The following STIM1 variants were observed in gnomAD, a reference collection of about 807,000 sequenced individuals.
STIM1 encodes stromal interaction molecule 1.
Under a neutral mutation model 74.7 loss-of-function variants are expected in STIM1, and 25 were observed. The ratio of observed to expected loss-of-function variants is 0.33; its 90% CI spans 0.24 to 0.47. The LOEUF is 0.47. Ranked by LOEUF, STIM1 falls within the 20% of genes least tolerant of loss-of-function variation. STIM1 has a pLI of 1.00. For missense variants in STIM1, 728 were observed against 920.8 expected (o/e 0.79, Z 2.71); for synonymous variants, 328 against 348.8 (o/e 0.94, Z 0.66).
intron 6 of STIM1, among the ~76,000 whole-genome samples, chr11:4,070,513 T>C (rs1403628770): frequency 6.6e-6 from 1 of 152,246 alleles, no homozygotes; most frequent in African/African-American, 2.4e-5. Flanking sequence ...TCTGCCTGTC[T>C]CTGGACTGCT....
chr11:3,902,536 G>T (rs910814358), intron 1 of STIM1, among the ~76,000 whole-genome samples: 3 of 152,208 alleles, frequency 2.0e-5, no homozygotes, highest in African/African-American at 7.2e-5. Context: ...CGCATGTGCA[G>T]TTCACAATAG....
chr11:4,001,205 G>C (rs1457006555), intron 2 of STIM1, among the ~76,000 whole-genome samples: 1 of 151,846 alleles, frequency 6.6e-6, no homozygotes, highest in Admixed American at 6.6e-5. Context: ...AGCAAGGCAG[G>C]CCAACATTCA....
At chr11:3,997,419 G>T (rs543596235) in intron 2 of STIM1, among the ~76,000 whole-genome samples, 83 of 152,272 alleles carry the variant, frequency 5.5e-4, no homozygotes, top group African/African-American at 1.8e-3. Flanking sequence ...TACTTGGGAG[G>T]CTGAGGTGGG....
At chr11:4,088,567 G>T in intron 12 of STIM1, 2 of 761,164 alleles carry the variant, frequency 2.6e-6, no homozygotes, top group East Asian at 5.6e-5. Context: ...ATCAAATTGG[G>T]TTGGGGACAC....
At chr11:3,884,049 G>T (rs1458277335) in intron 1 of STIM1, among the ~76,000 whole-genome samples, 1 of 152,144 alleles carries the variant, frequency 6.6e-6, no homozygotes, top group African/African-American at 2.4e-5. Context: ...AACAAAGTAA[G>T]CAGGGCAAAG....
rs1419974783 is a variant in STIM1 at position 3,856,034 on chromosome 11, G to T, written c.-237G>T. 1 of 560,270 alleles carries T rather than the reference G, an allele frequency of 1.8e-6. No individual in the cohort carries two copies. Among genetic ancestry groups the T allele is most frequent in the East Asian group, 3.1e-5 (1 of 32,580 alleles). 34.7% of individuals were successfully genotyped at this position (560,270 alleles called of 1,614,324 possible). On this transcript the variant is annotated 5_prime_UTR_variant, in exon 1 of 13. Transcript: ENST00000526596. ...TCCGGAAGCGGCACGAGCTCAGGCC[G>T]CCGCAGCCCCGGCGGACCCACTGTT...
At chr11:3,983,965 C>T (rs2135812546) in intron 2 of STIM1, among the ~76,000 whole-genome samples, 1 of 152,070 alleles carries the variant, frequency 6.6e-6, no homozygotes, top group African/African-American at 2.4e-5. Flanking sequence ...CTCCTGGATT[C>T]AAGCGATTCT....
chr11:3,907,461 T>G (rs1344158932), intron 1 of STIM1, among the ~76,000 whole-genome samples: 1 of 152,204 alleles, frequency 6.6e-6, no homozygotes, highest in Non-Finnish European at 1.5e-5. Context: ...CGGTTCTACC[T>G]TTAAAACAAA....
At chr11:3,886,015 T>C (rs1047379044) in intron 1 of STIM1, among the ~76,000 whole-genome samples, 11 of 152,204 alleles carry the variant, frequency 7.2e-5, no homozygotes, top group African/African-American at 1.9e-4. Context: ...GATATAGCAT[T>C]GTCCTGCTTT....
At chr11:4,050,671 G>C (rs7943217) in intron 3 of STIM1, among the ~76,000 whole-genome samples, 6 of 152,044 alleles carry the variant, frequency 3.9e-5, no homozygotes, top group Non-Finnish European at 8.8e-5. Flanking sequence ...AACAACACAG[G>C]GGTTAGGGGT....
At chr11:3,873,681 G>A (rs907009529) in intron 1 of STIM1, among the ~76,000 whole-genome samples, 1 of 152,082 alleles carries the variant, frequency 6.6e-6, no homozygotes, top group Non-Finnish European at 1.5e-5. Context: ...CTGGCAAGAG[G>A]GCAGTTCTGT....
intron 2 of STIM1, among the ~76,000 whole-genome samples, chr11:3,986,395 T>C (rs1441958641): frequency 6.6e-6 from 1 of 152,174 alleles, no homozygotes; most frequent in East Asian, 1.9e-4. Flanking sequence ...TGGTCAGTGG[T>C]TCTTTTAACT....
At chr11:3,941,011 C>T (rs1458360870) in intron 1 of STIM1, among the ~76,000 whole-genome samples, 1 of 152,144 alleles carries the variant, frequency 6.6e-6, no homozygotes, top group Non-Finnish European at 1.5e-5. Context: ...CTCTGTGCCT[C>T]AGTTTCTTGA....
chr11:4,031,215 A>G (rs970771665), intron 3 of STIM1, among the ~76,000 whole-genome samples: 1 of 152,210 alleles, frequency 6.6e-6, no homozygotes, highest in Non-Finnish European at 1.5e-5. Context: ...TATGTTTTGC[A>G]TGTGTAAATA....
chr11:4,025,374 T>C (rs2093990505), intron 3 of STIM1, among the ~76,000 whole-genome samples: 2 of 152,188 alleles, frequency 1.3e-5, no homozygotes, highest in Admixed American at 1.3e-4. Context: ...ATTAGGCAGC[T>C]GTAGGAGAGA....
chr11:4,038,894 G>C (rs2094125454), intron 3 of STIM1, among the ~76,000 whole-genome samples: 1 of 152,044 alleles, frequency 6.6e-6, no homozygotes, highest in South Asian at 2.1e-4. Context: ...TCAAATTTCT[G>C]GGTGTAAGAA....
At chr11:4,016,330 C>T (rs1020152661) in intron 2 of STIM1, among the ~76,000 whole-genome samples, 11 of 152,114 alleles carry the variant, frequency 7.2e-5, no homozygotes, top group Admixed American at 4.6e-4. Context: ...TTGGAGTTGG[C>T]GGGAGGTCCA....
rs200899059 is a variant in STIM1, at chr11:4,041,413, GA to G, written c.386-14112del. 2.0e-3 allele frequency among the ~76,000 whole-genome samples: 307 copies of G among 152,148 alleles called. 3 individuals are homozygous for G. In the East Asian group the frequency reaches 0.036, roughly 18 times the overall value. On this transcript the variant is annotated intron_variant, in intron 3 of 12. Transcript: ENST00000526596. ...ATGAATGGCGATAATAATTATAGATGATTTTTTTTACACTTATAGTATGCTA... is the reference window on the plus strand; with the variant it reads ...ATGAATGGCGATAATAATTATAGATGTTTTTTTTACACTTATAGTATGCTA...
At chr11:4,005,895 C>T (rs551609796) in intron 2 of STIM1, among the ~76,000 whole-genome samples, 1 of 152,200 alleles carries the variant, frequency 6.6e-6, no homozygotes, top group South Asian at 2.1e-4. Flanking sequence ...ACGTACATGT[C>T]CTAGAACTCT....
Sources: allele counts gnomAD v4.1 joint callset (sites outside exome capture counted in the v4.1 genomes callset), GRCh38; gene constraint gnomAD v4.1.1; transcripts MANE v1.5; gene names NCBI Gene and HGNC (gene_info 2026-07-23, HGNC 2026-07-21).